The following LY96 variants were observed in gnomAD, a reference collection of about 807,000 sequenced individuals.
LY96 encodes the protein lymphocyte antigen 96.
Under a neutral mutation model 18.9 loss-of-function variants are expected in LY96, and 18 were observed. The ratio of observed to expected loss-of-function variants is 0.95; its 90% CI spans 0.66 to 1.41. LY96 has a LOEUF of 1.41. Ranked by LOEUF, LY96 falls within the 40% of genes most tolerant of loss-of-function variation. The probability of loss-of-function intolerance (pLI) is 0.00; values close to 1 mark genes in which losing one functional copy is unlikely to be tolerated. For synonymous variants in LY96, 66 were observed against 62.6 expected (o/e 1.06, Z -0.26); for missense variants, 175 against 182.4 (o/e 0.96, Z 0.23).
chr8:73,995,422 A>G (rs944427880), intron 1 of LY96, among the ~76,000 whole-genome samples: 5 of 152,156 alleles, frequency 3.3e-5, no homozygotes, highest in Admixed American at 2.6e-4. Flanking sequence ...TCTTCTTATA[A>G]GGACACCAAC....
the LY96 span, among the ~76,000 whole-genome samples, chr8:74,096,423 G>A: frequency 6.6e-6 from 1 of 152,050 alleles, no homozygotes; most frequent in Non-Finnish European, 1.5e-5. Context: ...TAGGGCCTTT[G>A]CACCTGTGGT....
chr8:74,026,297 T>C (rs62509334), intron 3 of LY96, among the ~76,000 whole-genome samples: 164 of 152,348 alleles, frequency 1.1e-3, no homozygotes, highest in Middle Eastern at 3.4e-3. Context: ...CCACAGCTTG[T>C]GTGGGGCCAG....
the LY96 span, among the ~76,000 whole-genome samples, chr8:74,051,245 G>C: frequency 6.6e-6 from 1 of 152,116 alleles, no homozygotes; most frequent in Non-Finnish European, 1.5e-5. Context: ...GCCTGATCTG[G>C]ATATAACTGC....
chr8:74,064,970 G>C, the LY96 span, among the ~76,000 whole-genome samples: 1 of 152,124 alleles, frequency 6.6e-6, no homozygotes, highest in African/African-American at 2.4e-5. Context: ...GTTACTGGGG[G>C]TGTAAACCAA....
the LY96 span, among the ~76,000 whole-genome samples, chr8:74,035,554 C>T: frequency 3.2e-4 from 49 of 152,274 alleles, no homozygotes; most frequent in African/African-American, 1.1e-3. Context: ...CAAAGATAAC[C>T]TGAAAAACTG....
At chr8:74,032,104 G>A (rs1226894505), downstream of LY96, among the ~76,000 whole-genome samples, 6 of 152,200 alleles carry the variant, frequency 3.9e-5, no homozygotes, top group East Asian at 3.9e-4. Flanking sequence ...CAGTGTGGGT[G>A]GCAGAGCAAG....
At chr8:74,065,203 T>C in the LY96 span, among the ~76,000 whole-genome samples, 1 of 152,238 alleles carries the variant, frequency 6.6e-6, no homozygotes, top group East Asian at 1.9e-4. Flanking sequence ...AATGTAATGA[T>C]TTATATCTTT....
At chr8:74,056,504 T>C in the LY96 span, 1 of 158,228 alleles carries the variant, frequency 6.3e-6, no homozygotes, top group Non-Finnish European at 1.4e-5. Flanking sequence ...AAAGTAAACA[T>C]GCTAAAAAAG....
At chr8:74,096,424 C>T in the LY96 span, among the ~76,000 whole-genome samples, 1 of 152,148 alleles carries the variant, frequency 6.6e-6, no homozygotes, top group Non-Finnish European at 1.5e-5. Flanking sequence ...AGGGCCTTTG[C>T]ACCTGTGGTT....
the LY96 span, among the ~76,000 whole-genome samples, chr8:74,098,163 T>C: frequency 6.6e-6 from 1 of 152,184 alleles, no homozygotes; most frequent in South Asian, 2.1e-4. Flanking sequence ...ATTTCAGAAG[T>C]ATCTTGCCAG....
intron 3 of LY96, among the ~76,000 whole-genome samples, chr8:74,026,577 G>T (rs1382715231): frequency 6.6e-6 from 1 of 152,196 alleles, no homozygotes; most frequent in East Asian, 1.9e-4. Flanking sequence ...TCCCCTAAGG[G>T]ATAAGGTAGG....
At chr8:74,081,902 C>G in the LY96 span, among the ~76,000 whole-genome samples, 1 of 152,104 alleles carries the variant, frequency 6.6e-6, no homozygotes, top group African/African-American at 2.4e-5. Context: ...TCCTAAAGTG[C>G]TGCGATTACA....
At chr8:74,006,046 A>C (rs1816403108) in intron 2 of LY96, among the ~76,000 whole-genome samples, 1 of 152,154 alleles carries the variant, frequency 6.6e-6, no homozygotes, top group African/African-American at 2.4e-5. Flanking sequence ...ATAGACAACA[A>C]ACTTGTGTTT....
At chr8:74,067,525 G>T in the LY96 span, among the ~76,000 whole-genome samples, 10 of 150,996 alleles carry the variant, frequency 6.6e-5, no homozygotes, top group African/African-American at 1.7e-4. Context: ...TGTTTTTTTT[G>T]TTGTTGTTGT....
At chr8:74,024,978 C>T (rs1255447649) in intron 3 of LY96, among the ~76,000 whole-genome samples, 1 of 152,160 alleles carries the variant, frequency 6.6e-6, no homozygotes, top group Admixed American at 6.5e-5. Context: ...TAGGCACATG[C>T]ACCACACCCA....
At chr8:73,993,797 T>G (rs1336262698) in intron 1 of LY96, among the ~76,000 whole-genome samples, 2 of 140,970 alleles carry the variant, frequency 1.4e-5, no homozygotes, top group Non-Finnish European at 3.1e-5. Context: ...CAGGCTGGTC[T>G]GGAACTCCTG....
the LY96 span, among the ~76,000 whole-genome samples, chr8:74,043,093 GA>G: frequency 6.6e-6 from 1 of 152,158 alleles, no homozygotes. Context: ...ACCTTTTGAA[GA>G]AGAAAAGGCC....
the LY96 span, among the ~76,000 whole-genome samples, chr8:74,061,904 A>G: frequency 6.6e-6 from 1 of 152,196 alleles, no homozygotes. Context: ...GGATTTTCCT[A>G]TATGTACTTT....
the LY96 span, among the ~76,000 whole-genome samples, chr8:74,068,965 T>A: frequency 6.6e-6 from 1 of 152,136 alleles, no homozygotes; most frequent in African/African-American, 2.4e-5. Context: ...TGGCTAATTT[T>A]TGCATTTTTA....
Sources: gnomAD v4.1 joint callset for allele counts (sites outside exome capture counted in the v4.1 genomes callset) on GRCh38, gnomAD v4.1.1 for gene constraint, MANE v1.5 for transcripts, NCBI Gene and HGNC (gene_info 2026-07-23, HGNC 2026-07-21) for gene names.